Variants in PRDM11 observed in about 807,000 individuals in gnomAD.
PRDM11 encodes PR/SET domain 11.
Under a neutral mutation model 97.8 loss-of-function variants are expected in PRDM11, and 20 were observed. The observed-to-expected ratio is 0.20, with a 90% CI of 0.14 to 0.30. The LOEUF (loss-of-function observed/expected upper bound fraction) is 0.30. PRDM11 is among the 10% of genes least tolerant of loss of function. The pLI is 1.00. For synonymous variants in PRDM11, 599 were observed against 637.7 expected (o/e 0.94, Z 0.91); for missense variants, 1,139 against 1,555.2 (o/e 0.73, Z 4.50).
chr11:45,116,530 TTAAA>T (rs1412258545), intron 1 of PRDM11, among the ~76,000 whole-genome samples: 4 of 152,320 alleles, frequency 2.6e-5, no homozygotes, highest in East Asian at 3.9e-4. Context: ...TAACATATCT[TTAAA>T]TAACTCCTTG....
chr11:45,212,833 G>T (rs1443092773), intron 5 of PRDM11: 1 of 449,648 alleles, frequency 2.2e-6, no homozygotes, highest in African/African-American at 2.0e-5. Flanking sequence ...TGGCCGAGCT[G>T]ACCAGCCGTG....
chr11:45,131,063 C>T (rs1359685472), intron 1 of PRDM11, among the ~76,000 whole-genome samples: 1 of 152,064 alleles, frequency 6.6e-6, no homozygotes, highest in Non-Finnish European at 1.5e-5. Flanking sequence ...TACCACACAG[C>T]AAAAAATGGA....
intron 1 of PRDM11, among the ~76,000 whole-genome samples, chr11:45,147,128 G>A (rs1473798962): frequency 4.0e-5 from 6 of 151,378 alleles, no homozygotes; most frequent in African/African-American, 1.2e-4. Context: ...CGGGAGCCGG[G>A]GGCCGCCCTC....
At chr11:45,142,956 A>C (rs1424545000), upstream of PRDM11, among the ~76,000 whole-genome samples, 1 of 152,234 alleles carries the variant, frequency 6.6e-6, no homozygotes, top group Non-Finnish European at 1.5e-5. Context: ...GTAGGATTAG[A>C]AGCAGTAAAG....
intron 1 of PRDM11, among the ~76,000 whole-genome samples, chr11:45,162,295 G>C (rs1192535211): frequency 1.3e-5 from 2 of 152,094 alleles, no homozygotes; most frequent in Non-Finnish European, 2.9e-5. Context: ...AGCCCTGGGG[G>C]CTCCAGTGCT....
At chr11:45,130,455 G>A (rs1653810462) in intron 1 of PRDM11, among the ~76,000 whole-genome samples, 1 of 152,024 alleles carries the variant, frequency 6.6e-6, no homozygotes, top group African/African-American at 2.4e-5. Context: ...CACATGAGAA[G>A]GTGTTCAACA....
At chr11:45,159,661 G>A (rs1317355638) in intron 1 of PRDM11, among the ~76,000 whole-genome samples, 1 of 152,198 alleles carries the variant, frequency 6.6e-6, no homozygotes, top group African/African-American at 2.4e-5. Context: ...GGTCTGGCCA[G>A]GGCTCACAGG....
chr11:45,180,469 G>A (rs967701899), intron 1 of PRDM11, among the ~76,000 whole-genome samples: 3 of 151,828 alleles, frequency 2.0e-5, no homozygotes, highest in Non-Finnish European at 4.4e-5. Context: ...GGCCGAGTGC[G>A]CATCGGGCCC....
chr11:45,204,097 T>C (rs1288596384), intron 4 of PRDM11, among the ~76,000 whole-genome samples: 2 of 152,242 alleles, frequency 1.3e-5, no homozygotes, highest in East Asian at 1.9e-4. Context: ...GATGGCAGTC[T>C]TTTTAGCAGT....
intron 4 of PRDM11, among the ~76,000 whole-genome samples, chr11:45,197,376 T>C (rs1487780433): frequency 6.6e-6 from 1 of 152,090 alleles, no homozygotes; most frequent in African/African-American, 2.4e-5. Context: ...AGTCCAAGGG[T>C]ATAAAGTTTC....
At chr11:45,095,142 G>A (rs1851871648), upstream of PRDM11, among the ~76,000 whole-genome samples, 1 of 152,142 alleles carries the variant, frequency 6.6e-6, no homozygotes, top group Non-Finnish European at 1.5e-5. Flanking sequence ...ACAATAGGGA[G>A]CTGTCTGAAG....
chr11:45,175,981 C>G (rs1425672084), intron 1 of PRDM11, among the ~76,000 whole-genome samples: 1 of 151,892 alleles, frequency 6.6e-6, no homozygotes, highest in Non-Finnish European at 1.5e-5. Flanking sequence ...TTCATGTTTT[C>G]TTTTTATCCA....
At position 45,226,341 on chromosome 11, in the gene PRDM11, G is replaced by T; in HGVS notation, c.1716G>T (p.Leu572=). The change falls in exon 8 of 8, where the codon CTG becomes CTT. Residue 572 remains leucine, a synonymous_variant. Transcript: ENST00000683152. ...QSNLHKKCLQ[L]YKLRMHPEKT... is the part of the protein sequence containing the mutation. Reference sequence around the variant, plus strand: ...ACCTGCACAAGAAGTGCCTGCAACTGTACAAGCTCCGCATGCACCCGGAGA... The same window carrying T: ...ACCTGCACAAGAAGTGCCTGCAACTTTACAAGCTCCGCATGCACCCGGAGA... 6.5e-7 allele frequency: 1 copy of T among 1,533,946 alleles called. No individual in the cohort carries two copies. The highest frequency in any genetic ancestry group is 8.7e-7 in the Non-Finnish European group (1 of 1,146,738).
In PRDM11 at chr11:45,232,172, G is replaced by C. The variant is rs976804475; in HGVS notation, c.*4013G>C. On this transcript the variant is annotated 3_prime_UTR_variant, in exon 8 of 8. Transcript: ENST00000683152. ...ATTCATTTGGAGGTGGTGCCAACAGGGGGGAAAGCATGCAGAAGGCTGGAA... is the reference window on the plus strand; with the variant it reads ...ATTCATTTGGAGGTGGTGCCAACAGCGGGGAAAGCATGCAGAAGGCTGGAA... 1.3e-5 allele frequency: 2 copies of C among 152,026 alleles called. No homozygotes were observed. Among genetic ancestry groups the C allele is most frequent in the South Asian group, 2.1e-4 (1 of 4,816 alleles). 9.4% of individuals were successfully genotyped at this position (152,026 alleles called of 1,614,324 possible).
At chr11:45,137,164 AAAACAAACAAAC>A (rs374207641) in intron 1 of PRDM11, among the ~76,000 whole-genome samples, 1 of 148,156 alleles carries the variant, frequency 6.7e-6, no homozygotes, top group Non-Finnish European at 1.5e-5. Context: ...CTCTGTCTCA[AAAACAAACAAAC>A]AAACAAACAA....
At chr11:45,103,616 G>C (rs1426807380) in intron 1 of PRDM11, among the ~76,000 whole-genome samples, 2 of 151,522 alleles carry the variant, frequency 1.3e-5, no homozygotes, top group Non-Finnish European at 2.9e-5. Context: ...GGCCTTTGAG[G>C]GTGTCAGAAA....
upstream of PRDM11, among the ~76,000 whole-genome samples, chr11:45,094,997 G>A: frequency 6.6e-6 from 1 of 152,102 alleles, no homozygotes; most frequent in East Asian, 1.9e-4. Context: ...AGCCACCACT[G>A]CCCTTGTCCA....
chr11:45,181,729 T>C, intron 1 of PRDM11, 32 bp from the exon 2 acceptor site: 2 of 1,582,780 alleles, frequency 1.3e-6, no homozygotes, highest in South Asian at 1.1e-5. Context: ...TTTGATCCTC[T>C]TCCTGTGCTG....
chr11:45,152,557 C>G (rs956290672), intron 1 of PRDM11, among the ~76,000 whole-genome samples: 3 of 152,146 alleles, frequency 2.0e-5, no homozygotes, highest in African/African-American at 7.2e-5. Flanking sequence ...TTGTTCACTG[C>G]TGTATGAATA....
Sources: allele counts gnomAD v4.1 joint callset (sites outside exome capture counted in the v4.1 genomes callset), GRCh38; gene constraint gnomAD v4.1.1; transcripts MANE v1.5; gene names NCBI Gene and HGNC (gene_info 2026-07-23, HGNC 2026-07-21).